The following PRKCE variants were observed in gnomAD, a reference collection of about 807,000 sequenced individuals.
PRKCE encodes the protein protein kinase C epsilon type.
A neutral mutation model predicts 85.4 loss-of-function variants in PRKCE; 16 were observed. The ratio of observed to expected loss-of-function variants is 0.19; its 90% CI spans 0.13 to 0.28. PRKCE has a LOEUF of 0.28. Ranked by LOEUF, PRKCE falls within the 10% of genes least tolerant of loss-of-function variation. The pLI is 1.00. For synonymous variants in PRKCE, 388 were observed against 371.5 expected (o/e 1.04, Z -0.51); for missense variants, 573 against 975.2 (o/e 0.59, Z 5.49).
intron 3 of PRKCE, 45 bp from the exon 4 acceptor site, chr2:45,978,931 G>A: frequency 1.9e-6 from 3 of 1,579,074 alleles, no homozygotes; most frequent in Non-Finnish European, 2.6e-6. Context: ...TTTTTGACCT[G>A]GTAAGATTTC....
intron 11 of PRKCE, among the ~76,000 whole-genome samples, chr2:46,118,793 T>C (rs17034571): frequency 0.03 from 4,571 of 152,280 alleles, 128 homozygotes; most frequent in East Asian, 0.11. Context: ...CTGTGGAATC[T>C]GGCAGTTTGG....
At chr2:45,739,711 G>T (rs1034467694) in intron 1 of PRKCE, among the ~76,000 whole-genome samples, 1 of 152,116 alleles carries the variant, frequency 6.6e-6, no homozygotes, top group Admixed American at 6.6e-5. Context: ...ACAAGATTGA[G>T]TACAAAGGGG....
chr2:45,851,301 T>C (rs975579897), intron 2 of PRKCE, among the ~76,000 whole-genome samples: 4 of 152,260 alleles, frequency 2.6e-5, no homozygotes, highest in Non-Finnish European at 5.9e-5. Context: ...ATGTGATGTA[T>C]ACATTGACTC....
rs935247691 is a variant in PRKCE at position 45,821,523 on chromosome 2, G to A, written c.349-21477G>A. On this transcript the variant is annotated intron_variant, in intron 1 of 14. Transcript: ENST00000306156. The stretch of plus-strand genomic sequence containing the variant: ...AACCCAGTTGACCCTCAATGCCCAA[G>A]GGGTGTCTCAGAGGGAGACTGCTGG... Among the ~76,000 whole-genome samples, 4 of 152,160 alleles carry A rather than the reference G, an allele frequency of 2.6e-5. No homozygotes were observed. The South Asian group carries it at 8.3e-4, about 32-fold the overall frequency.
intron 2 of PRKCE, among the ~76,000 whole-genome samples, chr2:45,963,147 G>A (rs1701492838): frequency 6.6e-6 from 1 of 152,078 alleles, no homozygotes; most frequent in African/African-American, 2.4e-5. Context: ...AAGGGAGGAT[G>A]GAAGGAAGGC....
At chr2:46,129,687 G>T (rs990581751) in intron 11 of PRKCE, among the ~76,000 whole-genome samples, 1 of 152,208 alleles carries the variant, frequency 6.6e-6, no homozygotes, top group African/African-American at 2.4e-5. Flanking sequence ...AGGCAGCCTC[G>T]TGTTCATGCT....
chr2:45,813,653 C>A (rs1341505469), intron 1 of PRKCE, among the ~76,000 whole-genome samples: 1 of 152,128 alleles, frequency 6.6e-6, no homozygotes, highest in Non-Finnish European at 1.5e-5. Context: ...AAGCCACTTC[C>A]AGCATACAGG....
intron 1 of PRKCE, among the ~76,000 whole-genome samples, chr2:45,677,323 TTTTTTTTG>T (rs1676526227): frequency 1.6e-5 from 2 of 122,232 alleles, no homozygotes; most frequent in African/African-American, 6.4e-5. Context: ...AGTGAAGGTT[TTTTTTTTG>T]TTTTTTTTTT....
At chr2:46,083,153 G>T (rs1227084004) in intron 10 of PRKCE, among the ~76,000 whole-genome samples, 1 of 152,200 alleles carries the variant, frequency 6.6e-6, no homozygotes, top group African/African-American at 2.4e-5. Context: ...GTTTCGCCAT[G>T]TTGGCCAGGT....
At chr2:45,659,220 C>T (rs148665143) in intron 1 of PRKCE, among the ~76,000 whole-genome samples, 15 of 152,260 alleles carry the variant, frequency 9.9e-5, no homozygotes, top group African/African-American at 2.9e-4. Flanking sequence ...CAATCTAAGC[C>T]CTTCTTCCTC....
intron 1 of PRKCE, among the ~76,000 whole-genome samples, chr2:45,829,419 G>A (rs1411315310): frequency 2.0e-5 from 3 of 152,222 alleles, no homozygotes; most frequent in African/African-American, 7.2e-5. Context: ...TTTGGGTTTG[G>A]TTTTGCCTGC....
chr2:46,101,891 C>T (rs1671275016), intron 11 of PRKCE, among the ~76,000 whole-genome samples: 1 of 147,646 alleles, frequency 6.8e-6, no homozygotes. Context: ...AAACCCAAAA[C>T]CCTGATTTGT....
chr2:46,005,047 A>G (rs1012982065), intron 8 of PRKCE, among the ~76,000 whole-genome samples: 1 of 152,098 alleles, frequency 6.6e-6, no homozygotes, highest in African/African-American at 2.4e-5. Flanking sequence ...CCCCATCATC[A>G]TACCCAAAAC....
chr2:46,109,905 A>G (rs946739277), intron 11 of PRKCE, among the ~76,000 whole-genome samples: 18 of 152,106 alleles, frequency 1.2e-4, no homozygotes, highest in Non-Finnish European at 1.8e-4. Flanking sequence ...AATTTTTATA[A>G]TGAATGGGTA....
intron 10 of PRKCE, among the ~76,000 whole-genome samples, chr2:46,045,500 G>A (rs1708467448): frequency 6.6e-6 from 1 of 152,220 alleles, no homozygotes; most frequent in African/African-American, 2.4e-5. Flanking sequence ...GAGCTTCTCA[G>A]GCTCCAGTCA....
intron 11 of PRKCE, among the ~76,000 whole-genome samples, chr2:46,104,299 T>TTTTTTTG (rs544906222): frequency 0.1 from 14,867 of 146,796 alleles, 961 homozygotes; most frequent in East Asian, 0.27. Context: ...CCTTGTACTT[T>TTTTTTTG]TTTTTTTTTT....
In PRKCE at chr2:46,184,434, AAC is replaced by A. The variant is rs3834107; in HGVS notation, c.2068-274_2068-273del. On this transcript the variant is annotated intron_variant, in intron 14 of 14. Coordinates refer to ENST00000306156, the MANE Select transcript of PRKCE (RefSeq NM_005400.3). The surrounding 1 kb of genome is among the most constrained non-coding windows in gnomAD (Gnocchi z 5.0). The stretch of plus-strand genomic sequence containing the variant: ...GGGACCTTTGCATCATACACACACA[AAC>A]ACACACACACACACACACACACACA... Among the ~76,000 whole-genome samples the A allele has an allele frequency of 0.13, 19,677 of 148,962 alleles. 1,666 individuals carry two copies. The highest frequency in any genetic ancestry group is 0.26 in the Admixed American group (3,905 of 14,992).
At chr2:45,809,220 G>T (rs374133230) in intron 1 of PRKCE, among the ~76,000 whole-genome samples, 70 of 152,154 alleles carry the variant, frequency 4.6e-4, no homozygotes, top group African/African-American at 1.6e-3. Flanking sequence ...GAACAAGAGG[G>T]GTATAAATAA....
chr2:45,851,367 G>T (rs1234106997), intron 2 of PRKCE, among the ~76,000 whole-genome samples: 3 of 152,180 alleles, frequency 2.0e-5, no homozygotes, highest in Non-Finnish European at 4.4e-5. Flanking sequence ...TCTCAGAACT[G>T]GGGGCACAGA....
Sources: allele counts gnomAD v4.1 joint callset (sites outside exome capture counted in the v4.1 genomes callset), GRCh38; gene constraint gnomAD v4.1.1; non-coding constraint Gnocchi (gnomAD v3.1); transcripts MANE v1.5; gene names NCBI Gene and HGNC (gene_info 2026-07-23, HGNC 2026-07-21).